Variants in PCDH15 observed in about 807,000 individuals in gnomAD.
PCDH15 encodes the protein protocadherin-15.
Under a neutral mutation model 178.5 loss-of-function variants are expected in PCDH15, and 129 were observed. That is an observed-to-expected ratio of 0.72 (90% CI 0.63 to 0.84). The LOEUF is 0.84. Among genes scored for constraint, PCDH15 ranks in the 40% least tolerant of loss-of-function variants. PCDH15 has a pLI of 0.00. For synonymous variants in PCDH15, 800 were observed against 732.0 expected (o/e 1.09, Z -1.50); for missense variants, 2,230 against 2,099.9 (o/e 1.06, Z -1.21).
At chr10:53,880,272 C>G (rs1344122880) in intron 26 of PCDH15, among the ~76,000 whole-genome samples, 2 of 152,110 alleles carry the variant, frequency 1.3e-5, no homozygotes, top group East Asian at 3.9e-4. Context: ...AAATTTGCAA[C>G]AGAGCAGGAA....
At position 54,156,767 on chromosome 10, in the gene PCDH15, T is replaced by C. The variant is rs528489158; in HGVS notation, c.1591-3474A>G. Reference sequence around the variant, plus strand: ...CAAAAGTCCCTTCCACCTACGAGCCTGTCAAATCAAAAGCAAGTTAGTTAC... The same window carrying C: ...CAAAAGTCCCTTCCACCTACGAGCCCGTCAAATCAAAAGCAAGTTAGTTAC... On this transcript the variant is annotated intron_variant, in intron 13 of 37. Coordinates refer to ENST00000644397, the MANE Select transcript of PCDH15 (RefSeq NM_001384140.1). 2.0e-5 allele frequency among the ~76,000 whole-genome samples: 3 copies of C among 152,334 alleles called. No homozygotes were observed. The South Asian group carries it at 6.2e-4, about 32-fold the overall frequency.
At chr10:54,009,532 A>G (rs1184818746) in intron 20 of PCDH15, among the ~76,000 whole-genome samples, 1 of 152,208 alleles carries the variant, frequency 6.6e-6, no homozygotes, top group African/African-American at 2.4e-5. Flanking sequence ...AACTAACTAG[A>G]GGGAGCTGGT....
chr10:55,019,779 C>A (rs909452067), intron 2 of PCDH15, among the ~76,000 whole-genome samples: 2 of 152,022 alleles, frequency 1.3e-5, no homozygotes, highest in African/African-American at 4.8e-5. Context: ...GTAAATTAAT[C>A]CAGTCTTAAA....
Position 55,383,515 on chromosome 10 carries a change from C to A in PCDH15, c.-155-216864G>T, listed in dbSNP as rs572028330. On this transcript the variant is annotated intron_variant, in intron 2 of 5. Coordinates refer to the PCDH15 transcript ENST00000613346. Reference sequence around the variant, plus strand: ...GCTGGGGAACCATCCTCTTTTACCCCCTATTTCCCTGCCTCCTGTCTGTAT... The same window carrying A: ...GCTGGGGAACCATCCTCTTTTACCCACTATTTCCCTGCCTCCTGTCTGTAT... 7.2e-5 allele frequency among the ~76,000 whole-genome samples: 11 copies of A among 152,204 alleles called. No individual in the cohort carries two copies. In the East Asian group the frequency reaches 1.5e-3, roughly 21 times the overall value.
chr10:55,623,825 G>C (rs1007227983), intron 2 of PCDH15, among the ~76,000 whole-genome samples: 3 of 151,550 alleles, frequency 2.0e-5, no homozygotes, highest in African/African-American at 7.3e-5. Flanking sequence ...AAAAGTGTCA[G>C]AAAATTTATC....
chr10:54,621,046 G>T (rs1268564126), intron 2 of PCDH15, among the ~76,000 whole-genome samples: 5 of 151,922 alleles, frequency 3.3e-5, no homozygotes, highest in Admixed American at 3.3e-4. Context: ...GTTCCCTAAG[G>T]TACTGTGTAG....
rs73252138 is a variant in PCDH15 at position 55,286,101 on chromosome 10, A to G, written c.-156+33498T>C. Among the ~76,000 whole-genome samples the G allele has an allele frequency of 1.1e-3, 164 of 152,126 alleles. 1 individual carries two copies. Among genetic ancestry groups the G allele is most frequent in the African/African-American group, 3.7e-3 (155 of 41,568 alleles). On this transcript the variant is annotated intron_variant, in intron 1 of 5. Coordinates refer to the PCDH15 transcript ENST00000458638. ...ACATGACAATAAGTAAAGAACACTC[A>G]TATAATACCTACGCATGTTTCTTTC...
intron 2 of PCDH15, among the ~76,000 whole-genome samples, chr10:55,388,682 C>T (rs1475628232): frequency 6.6e-6 from 1 of 151,980 alleles, no homozygotes; most frequent in African/African-American, 2.4e-5. Context: ...AAAATCCATA[C>T]CTCCAGAGAC....
At chr10:54,006,320 G>T (rs939392889) in intron 20 of PCDH15, among the ~76,000 whole-genome samples, 2 of 152,118 alleles carry the variant, frequency 1.3e-5, no homozygotes, top group Non-Finnish European at 2.9e-5. Context: ...AGAAGAGAGG[G>T]AAACATTTGA....
At chr10:53,875,514 CATTT>C in intron 26 of PCDH15, among the ~76,000 whole-genome samples, 1 of 152,002 alleles carries the variant, frequency 6.6e-6, no homozygotes, top group Non-Finnish European at 1.5e-5. Flanking sequence ...TATAATCAAA[CATTT>C]ATGCTCAGTT....
intron 2 of PCDH15, among the ~76,000 whole-genome samples, chr10:55,088,987 T>C (rs924892433): frequency 3.3e-5 from 5 of 152,138 alleles, no homozygotes; most frequent in Non-Finnish European, 7.4e-5. Context: ...GAAATATATA[T>C]TCTAGATAAA....
intron 3 of PCDH15, among the ~76,000 whole-genome samples, chr10:54,505,563 G>A (rs1381880559): frequency 4.0e-5 from 6 of 151,786 alleles, no homozygotes; most frequent in Non-Finnish European, 7.4e-5. Flanking sequence ...ACCAAACACC[G>A]CATGTTCTCA....
At chr10:55,205,548 T>C (rs1184784016) in intron 1 of PCDH15, among the ~76,000 whole-genome samples, 1 of 152,194 alleles carries the variant, frequency 6.6e-6, no homozygotes, top group East Asian at 1.9e-4. Flanking sequence ...AATTTTTATA[T>C]AATCCAATAA....
Position 55,202,759 on chromosome 10 carries a change from T to C in PCDH15, c.-155-36108A>G, listed in dbSNP as rs374772968. Among the ~76,000 whole-genome samples, 158 of 152,208 alleles carry C rather than the reference T, an allele frequency of 1.0e-3. 1 individual carries two copies. The highest frequency in any genetic ancestry group is 6.8e-3 in the Middle Eastern group (2 of 294). ...AAATCATGGGTTTCCCCCATGCCGT[T>C]TACATGATAGTGAGTTCTCACAAGA... On this transcript the variant is annotated intron_variant, in intron 1 of 5. Transcript: ENST00000458638.
intron 1 of PCDH15, among the ~76,000 whole-genome samples, chr10:54,765,218 C>A (rs1336554192): frequency 2.0e-5 from 3 of 152,198 alleles, no homozygotes; most frequent in Non-Finnish European, 4.4e-5. Context: ...CCTTATATGG[C>A]AAGTAATTCC....
At chr10:54,358,656 A>C (rs1185125612) in intron 5 of PCDH15, among the ~76,000 whole-genome samples, 1 of 152,102 alleles carries the variant, frequency 6.6e-6, no homozygotes, top group Non-Finnish European at 1.5e-5. Context: ...CCATCCCATT[A>C]CTGGGTATAT....
intron 2 of PCDH15, among the ~76,000 whole-genome samples, chr10:55,491,203 G>T (rs756955657): frequency 6.6e-6 from 1 of 151,658 alleles, no homozygotes; most frequent in Non-Finnish European, 1.5e-5. Flanking sequence ...GAAGACAGAG[G>T]CTCCCTTGAC....
At chr10:55,573,280 A>G (rs1417269274) in intron 2 of PCDH15, among the ~76,000 whole-genome samples, 2 of 152,126 alleles carry the variant, frequency 1.3e-5, no homozygotes, top group Admixed American at 6.6e-5. Flanking sequence ...GCCAACTGGC[A>G]GTATAGCTGT....
At chr10:55,173,543 G>A (rs1323998385) in intron 1 of PCDH15, among the ~76,000 whole-genome samples, 1 of 151,806 alleles carries the variant, frequency 6.6e-6, no homozygotes, top group Non-Finnish European at 1.5e-5. Flanking sequence ...TACATGTGTG[G>A]TTGAAAGCTT....
Sources: gnomAD v4.1 joint callset for allele counts (sites outside exome capture counted in the v4.1 genomes callset) on GRCh38, gnomAD v4.1.1 for gene constraint, MANE v1.5 for transcripts, NCBI Gene and HGNC (gene_info 2026-07-23, HGNC 2026-07-21) for gene names.